Variants in WNK1 observed in about 807,000 individuals in gnomAD.
WNK1 encodes the protein WNK lysine deficient protein kinase 1, also known as serine/threonine-protein kinase WNK1.
A neutral mutation model predicts 222.8 loss-of-function variants in WNK1; 38 were observed. The ratio of observed to expected loss-of-function variants is 0.17; its 90% CI spans 0.13 to 0.22. WNK1 has a LOEUF of 0.22. Among genes scored for constraint, WNK1 ranks in the 10% least tolerant of loss-of-function variants. The probability of loss-of-function intolerance (pLI) is 1.00; values close to 1 mark genes in which losing one functional copy is unlikely to be tolerated. For synonymous variants in WNK1, 1,090 were observed against 1,092.9 expected (o/e 1.00, Z 0.05); for missense variants, 2,348 against 2,918.4 (o/e 0.80, Z 4.50).
Position 889,216 on chromosome 12 carries a change from C to T in WNK1, c.5441C>T (p.Ala1814Val), listed in dbSNP as rs953160606. Residue 1814 changes from alanine to valine, a missense_variant, in exon 21 of 28, where the codon GCG becomes GTG. By Grantham distance (64) the Ala-to-Val change is moderately conservative. This residue lies in a region of WNK1 where 1,144 missense variants were observed against 1,273.6 expected (regional missense o/e 0.90). Coordinates refer to ENST00000315939, the MANE Select transcript of WNK1 (RefSeq NM_018979.4). The part of the protein sequence containing the change: ...LSPEMITVTS[A>V]VGPVSMAAPT... ...CCAGAGATGATCACAGTGACTTCTG[C>T]GGTTGGTGTAAGTTTTGAAAATCTT... The T allele has an allele frequency of 3.1e-6, 5 of 1,613,496 alleles. No individual in the cohort carries two copies. The highest frequency in any genetic ancestry group is 1.1e-5 in the South Asian group (1 of 91,074).
At chr12:828,594 T>TA (rs1948557975) in intron 3 of WNK1, among the ~76,000 whole-genome samples, 1 of 152,160 alleles carries the variant, frequency 6.6e-6, no homozygotes, top group South Asian at 2.1e-4. Flanking sequence ...TTCTAGTTGT[T>TA]ATAACCAAAA....
chr12:843,207 G>A (rs1342280981), intron 4 of WNK1, among the ~76,000 whole-genome samples: 1 of 152,186 alleles, frequency 6.6e-6, no homozygotes, highest in Non-Finnish European at 1.5e-5. Flanking sequence ...AAAGTGCTGG[G>A]ATTACAGGTG....
intron 1 of WNK1, among the ~76,000 whole-genome samples, chr12:755,488 TAAAAAC>T (rs1404947078): frequency 1.3e-5 from 2 of 152,188 alleles, no homozygotes; most frequent in African/African-American, 2.4e-5. Flanking sequence ...GAAGTAAACT[TAAAAAC>T]TAAGAAGTTC....
At chr12:804,660 A>G (rs1019297998) in intron 1 of WNK1, among the ~76,000 whole-genome samples, 1 of 152,142 alleles carries the variant, frequency 6.6e-6, no homozygotes, top group African/African-American at 2.4e-5. Context: ...GGCGTGAGCC[A>G]CCGTGCCTGG....
intron 8 of WNK1, among the ~76,000 whole-genome samples, chr12:870,076 A>G (rs1177981375): frequency 1.3e-5 from 2 of 152,168 alleles, no homozygotes; most frequent in African/African-American, 4.8e-5. Context: ...GCAGTTATAT[A>G]TTGAAGACAT....
chr12:829,873 T>TC, intron 3 of WNK1, 130 bp from the exon 4 acceptor site: 2 of 920,198 alleles, frequency 2.2e-6, no homozygotes, highest in Admixed American at 3.7e-5. Context: ...TCCTCTTTTC[T>TC]CCCCCTTTCC....
intron 1 of WNK1, among the ~76,000 whole-genome samples, chr12:793,714 T>C (rs1409347802): frequency 1.3e-5 from 2 of 152,232 alleles, no homozygotes; most frequent in East Asian, 3.8e-4. Context: ...ATCTATATGA[T>C]GATAGTTTGC....
intron 17 of WNK1, 114 bp downstream of exon 17, chr12:883,945 T>C: frequency 6.7e-7 from 1 of 1,500,996 alleles, no homozygotes; most frequent in Admixed American, 1.8e-5. Flanking sequence ...CGAGAATCGC[T>C]TGAACCCAGG....
chr12:800,633 G>A (rs1945779296), intron 1 of WNK1, among the ~76,000 whole-genome samples: 1 of 151,954 alleles, frequency 6.6e-6, no homozygotes, highest in Non-Finnish European at 1.5e-5. Flanking sequence ...TAAGAATGAG[G>A]CTTACCATTA....
chr12:874,880 A>C (rs1446010902), intron 9 of WNK1, among the ~76,000 whole-genome samples: 1 of 152,100 alleles, frequency 6.6e-6, no homozygotes, highest in Non-Finnish European at 1.5e-5. Context: ...ACTACTACCC[A>C]ATTATGTCCA....
chr12:881,796 A>T lies in WNK1; in HGVS notation c.3209+7A>T. ...TGGCTTCCTCTGTAGACAGGTACGT[A>T]AAACTAGAATTCTCCTTCCTTGACT... On this transcript the variant is annotated splice_region_variant and intron_variant, in intron 13 of 27. Transcript: ENST00000315939. 6 of 1,614,112 alleles carry T rather than the reference A, an allele frequency of 3.7e-6. No individual in the cohort carries two copies. Among genetic ancestry groups the T allele is most frequent in the Non-Finnish European group, 5.1e-6 (6 of 1,179,954 alleles).
intron 8 of WNK1, 35 bp downstream of exon 8, chr12:862,305 T>G: frequency 6.2e-7 from 1 of 1,601,552 alleles, no homozygotes; most frequent in East Asian, 2.2e-5. Flanking sequence ...AATACTACAA[T>G]GAGAGCCAAT....
At chr12:903,234 T>C (rs891769689) in intron 26 of WNK1, among the ~76,000 whole-genome samples, 13 of 152,332 alleles carry the variant, frequency 8.5e-5, no homozygotes, top group African/African-American at 2.9e-4. Flanking sequence ...CTTTACTGAC[T>C]TTCCCCACAT....
chr12:845,333 C>T (rs1026772912), intron 4 of WNK1, among the ~76,000 whole-genome samples: 6 of 152,116 alleles, frequency 3.9e-5, no homozygotes, highest in Non-Finnish European at 5.9e-5. Flanking sequence ...TGGAAGAGAT[C>T]GATCCTAGGG....
At chr12:819,931 T>G (rs1947703898) in intron 2 of WNK1, among the ~76,000 whole-genome samples, 1 of 152,236 alleles carries the variant, frequency 6.6e-6, no homozygotes, top group Admixed American at 6.5e-5. Flanking sequence ...ATGTCTGTTC[T>G]TATGCCAGTA....
intron 1 of WNK1, among the ~76,000 whole-genome samples, chr12:785,012 C>G (rs541805887): frequency 6.6e-6 from 1 of 152,008 alleles, no homozygotes; most frequent in Non-Finnish European, 1.5e-5. Flanking sequence ...ATAGGTAGTT[C>G]GGATAACAAA....
chr12:778,538 C>T (rs1454889168), intron 1 of WNK1, among the ~76,000 whole-genome samples: 1 of 151,942 alleles, frequency 6.6e-6, no homozygotes, highest in Non-Finnish European at 1.5e-5. Flanking sequence ...ACCATGTTGG[C>T]CAGGCTGGCC....
chr12:861,429 G>A, intron 7 of WNK1, 86 bp downstream of exon 7: 1 of 1,310,064 alleles, frequency 7.6e-7, no homozygotes, highest in Non-Finnish European at 1.1e-6. Context: ...CTGGCTTTTT[G>A]GTTTTGAATT....
At chr12:766,846 A>T (rs1164145152) in intron 1 of WNK1, among the ~76,000 whole-genome samples, 1 of 149,746 alleles carries the variant, frequency 6.7e-6, no homozygotes, top group African/African-American at 2.5e-5. Flanking sequence ...GCATGATCTC[A>T]GTTCACTGCA....
Sources: allele counts gnomAD v4.1 joint callset (sites outside exome capture counted in the v4.1 genomes callset), GRCh38; gene constraint gnomAD v4.1.1; regional missense constraint gnomAD v4.1.1; transcripts MANE v1.5; gene names NCBI Gene and HGNC (gene_info 2026-07-23, HGNC 2026-07-21).